Variants in CYREN observed in about 807,000 individuals in gnomAD.
CYREN encodes cell cycle regulator of NHEJ, also known as cell cycle regulator of non-homologous end joining.
A neutral mutation model predicts 9.7 loss-of-function variants in CYREN; 7 were observed. That is an observed-to-expected ratio of 0.72 (90% CI 0.41 to 1.36). The LOEUF is 1.36. Among genes scored for constraint, CYREN ranks in the 40% most tolerant of loss-of-function variants. The pLI is 0.01. For missense variants in CYREN, 215 were observed against 198.1 expected (o/e 1.09, Z -0.51); for synonymous variants, 76 against 77.9 (o/e 0.98, Z 0.13).
At chr7:135,117,238 A>AT (rs34797654) in intron 2 of CYREN, among the ~76,000 whole-genome samples, 73,685 of 151,968 alleles carry the variant, frequency 0.48, 18,230 homozygotes, top group South Asian at 0.66. Flanking sequence ...ATTCCTCCAT[A>AT]TTGAAATCTG....
At chr7:135,107,834 T>C (rs949113436) in intron 2 of CYREN, among the ~76,000 whole-genome samples, 29 of 152,198 alleles carry the variant, frequency 1.9e-4, no homozygotes, top group African/African-American at 6.5e-4. Context: ...CACTATTTTG[T>C]GTGGGAATCT....
chr7:135,128,304 AAAAAAAAAAAAAAAACGAAAAAAAAAAAC>A (rs2117309597), intron 2 of CYREN: 1 of 243,554 alleles, frequency 4.1e-6, no homozygotes, highest in Admixed American at 5.4e-5. Flanking sequence ...AAAAAAAAAA[AAAAAAAAAAAAAAAACGAAAAAAAAAAAC>A]AAAACAACAA....
intron 2 of CYREN, among the ~76,000 whole-genome samples, chr7:135,136,139 C>A (rs1829337551): frequency 6.6e-6 from 1 of 151,998 alleles, no homozygotes; most frequent in African/African-American, 2.4e-5. Context: ...CAGAATCAAG[C>A]AGCCTTGAGT....
intron 2 of CYREN, chr7:135,101,235 C>G: frequency 2.2e-6 from 1 of 456,228 alleles, no homozygotes; most frequent in Non-Finnish European, 4.4e-6. Context: ...TATGGGCAAA[C>G]AAACTTCTAC....
intron 2 of CYREN, chr7:135,147,840 C>T (rs532571529): frequency 6.6e-6 from 3 of 456,270 alleles, no homozygotes; most frequent in East Asian, 1.4e-4. Flanking sequence ...TTCGAGAGTT[C>T]TTTGGCTCCT....
At chr7:135,161,185 A>C (rs1829927350), downstream of CYREN, among the ~76,000 whole-genome samples, 1 of 152,164 alleles carries the variant, frequency 6.6e-6, no homozygotes, top group African/African-American at 2.4e-5. This position sits in a 1 kb window ranked among gnomAD's most constrained non-coding sequence, Gnocchi z 4.1. Flanking sequence ...GTTTTGCTCT[A>C]CATTAAAAGG....
At chr7:135,163,627 A>T (rs1300206849), downstream of CYREN, among the ~76,000 whole-genome samples, 1 of 152,226 alleles carries the variant, frequency 6.6e-6, no homozygotes, top group East Asian at 1.9e-4. Flanking sequence ...CCTGGGTGAC[A>T]GAGTGAGGCT....
Position 135,134,665 on chromosome 7 carries a change from T to TA in CYREN, n.356+34083dup, listed in dbSNP as rs200672886. Among the ~76,000 whole-genome samples, 398 of 149,060 alleles carry TA rather than the reference T, an allele frequency of 2.7e-3. 6 individuals carry two copies. The East Asian group carries it at 0.044, about 16-fold the overall frequency. On this transcript the variant is annotated intron_variant and non_coding_transcript_variant, in intron 2 of 2. Coordinates refer to the CYREN transcript ENST00000459937. ...TAGAAATACAGGATTGGAATAGTGC[T>TA]AAAAAAAAAATCATGATCAGAGATG...
intron 2 of CYREN, among the ~76,000 whole-genome samples, chr7:135,116,309 A>G (rs1347155699): frequency 6.6e-6 from 1 of 152,218 alleles, no homozygotes; most frequent in Non-Finnish European, 1.5e-5. Flanking sequence ...CTGACTACAG[A>G]GTCCTCCTGA....
chr7:135,135,312 A>G, intron 2 of CYREN: 1 of 1,379,020 alleles, frequency 7.3e-7, no homozygotes, highest in Non-Finnish European at 9.5e-7. Context: ...ACATATGCTT[A>G]TGTAGTAAAA....
chr7:135,133,666 T>G (rs889865817), intron 2 of CYREN, among the ~76,000 whole-genome samples: 8 of 152,106 alleles, frequency 5.3e-5, no homozygotes, highest in Non-Finnish European at 1.0e-4. Context: ...AGCAATTCAA[T>G]GGAGAAAAAA....
downstream of CYREN, chr7:135,164,733 C>T (rs370150432): frequency 1.9e-6 from 3 of 1,614,210 alleles, no homozygotes; most frequent in African/African-American, 4.0e-5. Flanking sequence ...CCTCTTTGCC[C>T]CCCAGCCTCT....
In CYREN at chr7:135,097,791, C is replaced by A. The variant is rs566770247; in HGVS notation, n.357-3209G>T. Among the ~76,000 whole-genome samples, 9 of 152,114 alleles carry A rather than the reference C, an allele frequency of 5.9e-5. No homozygotes were observed. The South Asian group carries it at 1.9e-3, about 32-fold the overall frequency. ...ATTTGATATTATATGTAGGTTGTGA[C>A]AAAGACGTGTATGGTAAAAAATGAC... On this transcript the variant is annotated intron_variant and non_coding_transcript_variant, in intron 2 of 2. Transcript: ENST00000459937.
At chr7:135,107,531 A>G (rs1824923067) in intron 2 of CYREN, among the ~76,000 whole-genome samples, 2 of 152,120 alleles carry the variant, frequency 1.3e-5, no homozygotes, top group South Asian at 4.1e-4. Context: ...GTTTTGAGCA[A>G]ATTTTTTAAA....
intron 2 of CYREN, among the ~76,000 whole-genome samples, chr7:135,127,262 A>G (rs776916360): frequency 2.6e-5 from 4 of 152,230 alleles, no homozygotes; most frequent in Non-Finnish European, 5.9e-5. Context: ...AAGCATATGT[A>G]AAAAAGCTCA....
In CYREN at chr7:135,141,761, T is replaced by C. The variant is rs568383992; in HGVS notation, n.356+26988A>G. On this transcript the variant is annotated intron_variant and non_coding_transcript_variant, in intron 2 of 2. Transcript: ENST00000459937. Reference sequence around the variant, plus strand: ...TCATATGTTGTATATTTGTTTTCATTAGTTTCAAAGAATTTCTTGATTTCT... The same window carrying C: ...TCATATGTTGTATATTTGTTTTCATCAGTTTCAAAGAATTTCTTGATTTCT... Among the ~76,000 whole-genome samples, 135 of 152,154 alleles carry C rather than the reference T, an allele frequency of 8.9e-4. 4 individuals are homozygous for C. The highest frequency in any genetic ancestry group is 1.8e-4 in the Non-Finnish European group (12 of 68,020).
At chr7:135,150,079 T>C (rs1378199517) in intron 2 of CYREN, among the ~76,000 whole-genome samples, 4 of 152,240 alleles carry the variant, frequency 2.6e-5, no homozygotes, top group Non-Finnish European at 5.9e-5. Flanking sequence ...TATCCTTTTT[T>C]CCAGATCATT....
intron 2 of CYREN, chr7:135,129,127 T>TA (rs1828366207): frequency 3.3e-6 from 5 of 1,535,232 alleles, no homozygotes; most frequent in Non-Finnish European, 3.6e-6. Context: ...GAAGCAGAGT[T>TA]ATTTGCCTAT....
intron 2 of CYREN, among the ~76,000 whole-genome samples, chr7:135,137,739 C>G (rs1340796295): frequency 6.6e-6 from 1 of 152,018 alleles, no homozygotes; most frequent in Non-Finnish European, 1.5e-5. Flanking sequence ...TAACAAAATA[C>G]CATAAACTAG....
Sources: allele counts gnomAD v4.1 joint callset (sites outside exome capture counted in the v4.1 genomes callset), GRCh38; gene constraint gnomAD v4.1.1; non-coding constraint Gnocchi (gnomAD v3.1); transcripts MANE v1.5; gene names NCBI Gene and HGNC (gene_info 2026-07-23, HGNC 2026-07-21).